Variants in VAV2 observed in about 807,000 individuals in gnomAD.
VAV2 encodes the protein vav guanine nucleotide exchange factor 2, also known as guanine nucleotide exchange factor VAV2.
A neutral mutation model predicts 132.5 loss-of-function variants in VAV2; 67 were observed. The observed-to-expected ratio is 0.51, with a 90% CI of 0.42 to 0.62. The LOEUF (loss-of-function observed/expected upper bound fraction) is 0.62, where lower values mean the gene tolerates loss of function less well. VAV2 is among the 20% of genes least tolerant of loss of function. The pLI is 0.00. For synonymous variants in VAV2, 492 were observed against 443.5 expected, an observed-to-expected ratio of 1.11 and a Z score of -1.37; for missense variants, 938 against 1,153.6, an observed-to-expected ratio of 0.81 and a Z score of 2.71.
intron 2 of VAV2, among the ~76,000 whole-genome samples, chr9:133,872,508 G>A (rs372761071): frequency 6.6e-6 from 1 of 152,332 alleles, no homozygotes; most frequent in Admixed American, 6.5e-5. Flanking sequence ...GCCTCTCCTC[G>A]GCTTGAAGGG....
At chr9:133,906,551 G>T (rs978788680) in intron 2 of VAV2, among the ~76,000 whole-genome samples, 1 of 151,938 alleles carries the variant, frequency 6.6e-6, no homozygotes, top group Non-Finnish European at 1.5e-5. Context: ...CCGATCAGCC[G>T]GCAATGAAAC....
chr9:133,973,443 C>A (rs554271481), intron 1 of VAV2, among the ~76,000 whole-genome samples: 2 of 152,322 alleles, frequency 1.3e-5, no homozygotes, highest in South Asian at 4.1e-4. Context: ...CCTGTCACCC[C>A]GGCATCCCTA....
At chr9:133,783,297 TGGAATTCATC>T (rs2131597416) in intron 19 of VAV2, among the ~76,000 whole-genome samples, 196 bp downstream of exon 19, 1 of 152,184 alleles carries the variant, frequency 6.6e-6, no homozygotes, top group South Asian at 2.1e-4. Context: ...GGGCTTGGAA[TGGAATTCATC>T]CCGGCTGTGT....
intron 2 of VAV2, among the ~76,000 whole-genome samples, chr9:133,894,075 C>T (rs772105126): frequency 7.2e-5 from 11 of 152,258 alleles, no homozygotes; most frequent in Non-Finnish European, 1.5e-4. Flanking sequence ...CCCCACTCCC[C>T]GCCTCCACTG....
chr9:133,864,324 A>G (rs1217377611), intron 2 of VAV2, among the ~76,000 whole-genome samples: 1 of 152,184 alleles, frequency 6.6e-6, no homozygotes, highest in African/African-American at 2.4e-5. Flanking sequence ...TGGGGAGCCC[A>G]CCTGCACCGC....
rs1399586160 is a variant in VAV2, at chr9:133,763,792, C to T, written c.*270G>A. 1.9e-5 allele frequency: 9 copies of T among 483,538 alleles called. No individual in the cohort carries two copies. The highest frequency in any genetic ancestry group is 5.7e-4 in the Middle Eastern group (1 of 1,740). The allele number at this position is 483,538 out of a possible 1,614,324, so 30.0% of individuals were successfully genotyped here. On this transcript the variant is annotated 3_prime_UTR_variant, in exon 30 of 30. Transcript: ENST00000371850. The surrounding 1 kb of genome is among the most constrained non-coding windows in gnomAD (Gnocchi z 6.8). ...CCACTACCCAGAGCCTGGCTCGCAG[C>T]GCTGTCGGTGCCCCCTCCTCTGCGC... is the stretch of plus-strand genomic sequence containing the variant.
At position 133,783,492 on chromosome 9, in the gene VAV2, G is replaced by C; in HGVS notation, c.1723+11C>G. 1 of 1,605,246 alleles carries C rather than the reference G, an allele frequency of 6.2e-7. No individual in the cohort carries two copies. Among genetic ancestry groups the C allele is most frequent in the Non-Finnish European group, 8.5e-7 (1 of 1,174,362 alleles). On this transcript the variant is annotated intron_variant, in intron 19 of 29. Transcript: ENST00000371850. ...CAGGGACTGGGGTGGGGGGGTGAGG[G>C]GGGTACTCACTGAACTTGCAGGGAG...
intron 1 of VAV2, among the ~76,000 whole-genome samples, chr9:133,947,360 T>C (rs1239348240): frequency 6.6e-6 from 1 of 152,148 alleles, no homozygotes; most frequent in Non-Finnish European, 1.5e-5. Context: ...ATCACCCATT[T>C]TACAGATGAG....
chr9:133,798,861 G>C (rs60105596), intron 9 of VAV2, among the ~76,000 whole-genome samples: 8,212 of 152,312 alleles, frequency 0.054, 777 homozygotes, highest in African/African-American at 0.19. Context: ...GGCCTGCAAG[G>C]CTGGGCCGGA....
At chr9:133,785,130 C>T (rs1834166425) in intron 17 of VAV2, among the ~76,000 whole-genome samples, 1 of 152,060 alleles carries the variant, frequency 6.6e-6, no homozygotes, top group African/African-American at 2.4e-5. Context: ...GGTTCCCTTT[C>T]GATCCTCCCA....
At chr9:133,791,703 T>G in intron 13 of VAV2, 80 bp downstream of exon 13, 1 of 1,290,900 alleles carries the variant, frequency 7.7e-7, no homozygotes, top group South Asian at 1.2e-5. Context: ...TGGAGCTCAC[T>G]CAATACTGGG....
At position 133,797,117 on chromosome 9, in the gene VAV2, ATGGAGCC is replaced by A. The variant is rs573770055; in HGVS notation, c.936+586_936+592del. Among the ~76,000 whole-genome samples the A allele has an allele frequency of 2.5e-3, 374 of 152,318 alleles. 1 individual carries two copies. The highest frequency in any genetic ancestry group is 7.9e-3 in the African/African-American group (327 of 41,578). ...GCAGAAACCAGGGTGTACTAACCAGATGGAGCCTGGAAACTCCAGCTGGGAACAGGAG... is the reference window on the plus strand; with the variant it reads ...GCAGAAACCAGGGTGTACTAACCAGATGGAAACTCCAGCTGGGAACAGGAG... On this transcript the variant is annotated intron_variant, in intron 10 of 29. Transcript: ENST00000371850.
chr9:133,936,548 A>T (rs1032209723), intron 2 of VAV2, among the ~76,000 whole-genome samples: 2 of 151,804 alleles, frequency 1.3e-5, no homozygotes, highest in Non-Finnish European at 2.9e-5. Context: ...CGACCCAGCC[A>T]TTGCATCTTT....
intron 2 of VAV2, among the ~76,000 whole-genome samples, chr9:133,901,992 G>C (rs10993849): frequency 1.4e-4 from 21 of 152,078 alleles, no homozygotes; most frequent in Non-Finnish European, 2.9e-4. Context: ...TGGTCTGCAC[G>C]TCAGGAGACT....
At position 133,808,942 on chromosome 9, in the gene VAV2, T is replaced by C. The variant is rs943894969; in HGVS notation, c.666+98A>G. 6.9e-6 allele frequency: 8 copies of C among 1,160,324 alleles called. No homozygotes were observed. The East Asian group carries it at 7.7e-5, about 11-fold the overall frequency. The allele number at this position is 1,160,324 out of a possible 1,614,324, so 71.9% of individuals were successfully genotyped here. A position where few individuals can be genotyped will look rare whatever the true frequency, so the allele number is the denominator to read the frequency against. ...TCTCCTTCGCCTGTCAGAGAGGCCC[T>C]ATGGCCCTGCCTCCGGAATGCACTC... On this transcript the variant is annotated intron_variant, in intron 7 of 29. Transcript: ENST00000371850.
Position 133,924,919 on chromosome 9 carries a change from C to T in VAV2, c.321+14184G>A, listed in dbSNP as rs895831591. ...AATGACCCACTGGCGGCTTCCACAGCGCAGGTGAAACCTGAAACTTCACGC... is the reference window on the plus strand; with the variant it reads ...AATGACCCACTGGCGGCTTCCACAGTGCAGGTGAAACCTGAAACTTCACGC... On this transcript the variant is annotated intron_variant, in intron 2 of 29. Transcript: ENST00000371850. 5.9e-5 allele frequency among the ~76,000 whole-genome samples: 9 copies of T among 152,248 alleles called. No homozygotes were observed. The East Asian group carries it at 1.3e-3, about 23-fold the overall frequency.
intron 16 of VAV2, 80 bp downstream of exon 16, chr9:133,787,166 C>G (rs943720044): frequency 2.0e-5 from 28 of 1,430,452 alleles, no homozygotes; most frequent in Non-Finnish European, 2.6e-5. Context: ...GCCCCTGGGT[C>G]CCCTGGCTCC....
chr9:133,795,748 A>C lies in VAV2; in HGVS notation c.1033-12T>G. On this transcript the variant is annotated splice_polypyrimidine_tract_variant and intron_variant, in intron 11 of 29. Transcript: ENST00000371850. ...TGGCTCAGAAGCTCCTGGAAGGGTG[A>C]GAAGAGTGTCATGTGTTACCACTCG... The C allele has an allele frequency of 6.2e-7, 1 of 1,613,218 alleles. No individual in the cohort carries two copies. The highest frequency in any genetic ancestry group is 8.5e-7 in the Non-Finnish European group (1 of 1,179,244).
In VAV2 at chr9:133,790,734, AT is replaced by A. The variant is rs113004055; in HGVS notation, c.1188+1048del. On this transcript the variant is annotated intron_variant, in intron 13 of 29. Coordinates refer to ENST00000371850, the MANE Select transcript of VAV2 (RefSeq NM_001134398.2). Reference sequence around the variant, plus strand: ...GTATCATAATGCCCTTCAGAAGCTTATTTTTTTTTTCTTTCATCGCCGACGT... The same window carrying A: ...GTATCATAATGCCCTTCAGAAGCTTATTTTTTTTTCTTTCATCGCCGACGT... Among the ~76,000 whole-genome samples the A allele has an allele frequency of 2.9e-3, 435 of 149,902 alleles. 2 individuals are homozygous for A. The highest frequency in any genetic ancestry group is 7.6e-3 in the African/African-American group (310 of 40,796).
Sources: gnomAD v4.1 joint callset for allele counts (sites outside exome capture counted in the v4.1 genomes callset) on GRCh38, gnomAD v4.1.1 for gene constraint, Gnocchi (gnomAD v3.1) non-coding constraint, MANE v1.5 for transcripts, NCBI Gene and HGNC (gene_info 2026-07-23, HGNC 2026-07-21) for gene names.